Variants in SND1 observed in about 807,000 individuals in gnomAD.
SND1 encodes the protein staphylococcal nuclease domain-containing protein 1.
SND1 carries 38 observed loss-of-function variants against 121.7 expected under a neutral mutation model. The observed-to-expected ratio is 0.31, with a 90% CI of 0.24 to 0.41. SND1 has a LOEUF of 0.41. Among genes scored for constraint, SND1 ranks in the 10% least tolerant of loss-of-function variants. The pLI is 1.00. For synonymous variants in SND1, 401 were observed against 447.4 expected (o/e 0.90, Z 1.31); for missense variants, 868 against 1,184.6 (o/e 0.73, Z 3.92).
chr7:127,954,189 G>A (rs1034802155), intron 15 of SND1, among the ~76,000 whole-genome samples: 7 of 152,102 alleles, frequency 4.6e-5, no homozygotes, highest in Middle Eastern at 3.2e-3. Flanking sequence ...AATATTTCTG[G>A]AATGCACACT....
Position 127,966,172 on chromosome 7 carries a change from G to A in SND1, c.1670-24775G>A, listed in dbSNP as rs562642016. 8.1e-4 allele frequency among the ~76,000 whole-genome samples: 123 copies of A among 151,010 alleles called. 1 individual carries two copies. In the South Asian group the frequency reaches 0.023, roughly 28 times the overall value. ...TTTTTTCTTTATTAGTCTTGCTAGCGGTCTATCAATTTTGTTGATCCTTTC... is the reference window on the plus strand; with the variant it reads ...TTTTTTCTTTATTAGTCTTGCTAGCAGTCTATCAATTTTGTTGATCCTTTC... On this transcript the variant is annotated intron_variant, in intron 15 of 23. Transcript: ENST00000354725.
intron 15 of SND1, among the ~76,000 whole-genome samples, chr7:127,986,044 C>T (rs1460182189): frequency 1.3e-5 from 2 of 152,214 alleles, no homozygotes; most frequent in Non-Finnish European, 2.9e-5. Flanking sequence ...TGTCACACTT[C>T]CCTTAGCTCC....
chr7:127,669,940 T>C (rs1331547852), intron 1 of SND1, among the ~76,000 whole-genome samples: 2 of 152,154 alleles, frequency 1.3e-5, no homozygotes, highest in African/African-American at 4.8e-5. Flanking sequence ...TCTTTTTTTT[T>C]CTAGTTTAGA....
chr7:127,840,450 T>A (rs1209243758), intron 11 of SND1, among the ~76,000 whole-genome samples: 1 of 152,196 alleles, frequency 6.6e-6, no homozygotes, highest in African/African-American at 2.4e-5. Context: ...CCCTTGGTCA[T>A]GTATTCGTAA....
chr7:127,802,626 G>A (rs898331395), intron 10 of SND1, among the ~76,000 whole-genome samples: 2 of 152,082 alleles, frequency 1.3e-5, no homozygotes, highest in African/African-American at 4.8e-5. Context: ...ACCTTTTAAT[G>A]TTAGAAGATA....
At chr7:127,657,894 T>C (rs77689057) in intron 1 of SND1, among the ~76,000 whole-genome samples, 6 of 152,328 alleles carry the variant, frequency 3.9e-5, no homozygotes, top group African/African-American at 1.2e-4. Flanking sequence ...AGTTATTATG[T>C]AATATATGTG....
chr7:127,823,056 G>T (rs1357711199), intron 11 of SND1, among the ~76,000 whole-genome samples: 2 of 152,216 alleles, frequency 1.3e-5, no homozygotes, highest in Non-Finnish European at 2.9e-5. Flanking sequence ...ATTAAGAACA[G>T]AGAGCAGTAC....
intron 12 of SND1, among the ~76,000 whole-genome samples, chr7:127,876,228 G>T (rs971058311): frequency 5.3e-5 from 8 of 152,072 alleles, no homozygotes; most frequent in Non-Finnish European, 1.2e-4. Flanking sequence ...TTTCTGTGGT[G>T]GTTGTGGTGT....
chr7:127,966,254 G>A lies in SND1; in HGVS notation c.1670-24693G>A, dbSNP rs548690020. Among the ~76,000 whole-genome samples the A allele has an allele frequency of 8.3e-3, 1,259 of 151,460 alleles. 15 individuals carry two copies. The highest frequency in any genetic ancestry group is 0.029 in the African/African-American group (1,200 of 41,122). On this transcript the variant is annotated intron_variant, in intron 15 of 23. Coordinates refer to ENST00000354725, the MANE Select transcript of SND1 (RefSeq NM_014390.4). ...CTTAGACTCCCACACATTAATAATG[G>A]GATACTTTAACACCCCACTGTCAAC...
chr7:127,778,493 G>A lies in SND1; in HGVS notation c.1153-28991G>A, dbSNP rs144462993. Among the ~76,000 whole-genome samples the A allele has an allele frequency of 5.9e-5, 9 of 152,250 alleles. No homozygotes were observed. The East Asian group carries it at 1.4e-3, about 23-fold the overall frequency. On this transcript the variant is annotated intron_variant, in intron 10 of 23. Transcript: ENST00000354725. Reference sequence around the variant, plus strand: ...ATTACAGGCGTGAGCCACCGCACTCGGTCTATTCATGTCTTCTAAATGCTT... The same window carrying A: ...ATTACAGGCGTGAGCCACCGCACTCAGTCTATTCATGTCTTCTAAATGCTT...
At chr7:127,973,407 G>A (rs145909916) in intron 15 of SND1, among the ~76,000 whole-genome samples, 3 of 152,318 alleles carry the variant, frequency 2.0e-5, no homozygotes, top group African/African-American at 7.2e-5. Flanking sequence ...ACAGACCATT[G>A]TGATGTTCGG....
chr7:127,737,127 T>C (rs1796791464), intron 10 of SND1, among the ~76,000 whole-genome samples: 1 of 152,230 alleles, frequency 6.6e-6, no homozygotes, highest in South Asian at 2.1e-4. Context: ...AAATCACTGT[T>C]GCTAAAGAAA....
chr7:127,866,875 A>G (rs1029969100), intron 12 of SND1, among the ~76,000 whole-genome samples: 1 of 152,104 alleles, frequency 6.6e-6, no homozygotes, highest in Admixed American at 6.6e-5. Context: ...CTTCCTTGTT[A>G]TGCTTGCTTT....
chr7:127,798,128 T>C (rs947071884), intron 10 of SND1, among the ~76,000 whole-genome samples: 1 of 152,224 alleles, frequency 6.6e-6, no homozygotes, highest in African/African-American at 2.4e-5. Context: ...TATAATCATA[T>C]GCTGTGCACT....
intron 12 of SND1, among the ~76,000 whole-genome samples, chr7:127,861,973 G>T (rs564954292): frequency 2.4e-4 from 36 of 152,272 alleles, no homozygotes; most frequent in African/African-American, 8.7e-4. Flanking sequence ...TTTTGACATT[G>T]ATAGACTATG....
intron 9 of SND1, 104 bp downstream of exon 9, chr7:127,707,751 A>C: frequency 1.2e-6 from 1 of 855,266 alleles, no homozygotes; most frequent in Non-Finnish European, 1.9e-6. Context: ...GAAAATTTCA[A>C]GGCAAGCCAG....
chr7:127,728,510 C>T (rs1796620017), intron 10 of SND1, among the ~76,000 whole-genome samples: 1 of 152,174 alleles, frequency 6.6e-6, no homozygotes, highest in African/African-American at 2.4e-5. Context: ...CTGAGGTAAC[C>T]CTCTTCCTTG....
At chr7:127,663,957 T>G (rs953270941) in intron 1 of SND1, among the ~76,000 whole-genome samples, 7 of 152,142 alleles carry the variant, frequency 4.6e-5, no homozygotes, top group Admixed American at 1.3e-4. Flanking sequence ...AGGTGGTGTG[T>G]GATATTGTGA....
At chr7:128,081,582 G>T (rs1446891222) in intron 18 of SND1, 81 bp downstream of exon 18, 6 of 1,545,308 alleles carry the variant, frequency 3.9e-6, no homozygotes, top group Admixed American at 1.7e-5. Context: ...TCTGCCCAGT[G>T]GGTGGGAGGA....
Sources: allele counts gnomAD v4.1 joint callset (sites outside exome capture counted in the v4.1 genomes callset), GRCh38; gene constraint gnomAD v4.1.1; transcripts MANE v1.5; gene names NCBI Gene and HGNC (gene_info 2026-07-23, HGNC 2026-07-21).